Variants in POU2F2 observed in about 807,000 individuals in gnomAD.
POU2F2 encodes POU class 2 homeobox 2, also known as POU domain, class 2, transcription factor 2.
POU2F2 carries 14 observed loss-of-function variants against 63.5 expected under a neutral mutation model. The ratio of observed to expected loss-of-function variants is 0.22; its 90% CI spans 0.15 to 0.34. The LOEUF is 0.34. Ranked by LOEUF, POU2F2 falls within the 10% of genes least tolerant of loss-of-function variation. The pLI is 1.00. For missense variants in POU2F2, 607 were observed against 815.2 expected, an observed-to-expected ratio of 0.74 and a Z score of 3.11; for synonymous variants, 306 against 348.6, an observed-to-expected ratio of 0.88 and a Z score of 1.36.
chr19:42,144,631 A>G (rs2034194470), intron 2 of POU2F2, among the ~76,000 whole-genome samples: 1 of 152,216 alleles, frequency 6.6e-6, no homozygotes, highest in South Asian at 2.1e-4. Flanking sequence ...CCACTATTCT[A>G]CTAAGTAACA....
intron 5 of POU2F2, among the ~76,000 whole-genome samples, chr19:42,101,925 T>C (rs1189804132): frequency 2.7e-5 from 4 of 149,518 alleles, no homozygotes; most frequent in Admixed American, 6.7e-5. Context: ...TGCAGTGAGT[T>C]CAGATTGCGC....
intron 2 of POU2F2, among the ~76,000 whole-genome samples, chr19:42,148,223 C>T (rs906800050): frequency 7.2e-5 from 11 of 152,132 alleles, no homozygotes; most frequent in Middle Eastern, 3.4e-3. Flanking sequence ...TTCTTGTGCT[C>T]ACATCCTGGC....
rs1157132309 is a variant in POU2F2 at position 42,169,507 on chromosome 19, A to G, written c.-70+6456T>C. Among the ~76,000 whole-genome samples, 1 of 152,078 alleles carries G rather than the reference A, an allele frequency of 6.6e-6. No individual in the cohort carries two copies. Among genetic ancestry groups the G allele is most frequent in the Non-Finnish European group, 1.5e-5 (1 of 68,012 alleles). On this transcript the variant is annotated intron_variant, in intron 1 of 6. Transcript: ENST00000524801. The surrounding 1 kb of genome is among the most constrained non-coding windows in gnomAD (Gnocchi z 4.3). ...TCTGTGGACAAATATACAAACGTCT[A>G]TGTGCATCTGCAGGGTTTAGCATCT...
intron 2 of POU2F2, among the ~76,000 whole-genome samples, chr19:42,141,473 CTTTTTTTTTT>C (rs58221767): frequency 3.0e-5 from 3 of 98,976 alleles, no homozygotes; most frequent in African/African-American, 8.5e-5. Context: ...CTTAATTAAT[CTTTTTTTTTT>C]TTTTTTTTTT....
intron 12 of POU2F2, among the ~76,000 whole-genome samples, chr19:42,093,009 A>ATAT (rs1491281554): frequency 4.2e-5 from 2 of 47,196 alleles, no homozygotes; most frequent in African/African-American, 6.8e-5. Context: ...ATATATATAT[A>ATAT]TTTTTTTTTT....
rs918558371 is a variant in POU2F2, at chr19:42,155,751, C to G, written c.-9+4581G>C. The G allele has an allele frequency of 2.0e-5, 3 of 152,246 alleles. No homozygotes were observed. The highest frequency in any genetic ancestry group is 4.4e-5 in the Non-Finnish European group (3 of 68,108). 9.4% of individuals were successfully genotyped at this position (152,246 alleles called of 1,614,324 possible). A position where few individuals can be genotyped will look rare whatever the true frequency, so the allele number is the denominator to read the frequency against. ...CCAGCCTCCAGATCTCAGTGTGGCTCTCTCTGGAGACAAAAGCTAAGACTC... is the reference window on the plus strand; with the variant it reads ...CCAGCCTCCAGATCTCAGTGTGGCTGTCTCTGGAGACAAAAGCTAAGACTC... On this transcript the variant is annotated intron_variant, in intron 2 of 6. Coordinates refer to the POU2F2 transcript ENST00000524801. The surrounding 1 kb of genome is among the most constrained non-coding windows in gnomAD (Gnocchi z 4.2).
chr19:42,145,367 T>C (rs2034209537), intron 2 of POU2F2, among the ~76,000 whole-genome samples: 1 of 152,198 alleles, frequency 6.6e-6, no homozygotes, highest in South Asian at 2.1e-4. Context: ...AGCCTCTCTG[T>C]GCCTCTCTCA....
chr19:42,091,371 G>A lies in POU2F2; in HGVS notation c.1761C>T (p.Gly587=). ...VAASISSKSP[G]LSSSSSSSSS... Reference sequence around the variant, plus strand: ...AGGATGAAGAGGATGAGGAGGAGAGGCCAGGAGACTTGCTGGAGATGGAGG... The same window carrying A: ...AGGATGAAGAGGATGAGGAGGAGAGACCAGGAGACTTGCTGGAGATGGAGG... The change falls in exon 15 of 15, where the codon GGC becomes GGT. Residue 587 remains glycine, a synonymous_variant. Transcript: ENST00000692977. 6.5e-7 allele frequency: 1 copy of A among 1,540,260 alleles called. No individual in the cohort carries two copies. The highest frequency in any genetic ancestry group is 8.7e-7 in the Non-Finnish European group (1 of 1,146,840).
chr19:42,177,922 CACACAGAA>C (rs1169811151), upstream of POU2F2, among the ~76,000 whole-genome samples: 1 of 151,400 alleles, frequency 6.6e-6, no homozygotes, highest in Non-Finnish European at 1.5e-5. Context: ...GACACAGAGA[CACACAGAA>C]ACAAATAGAC....
At chr19:42,107,585 G>A (rs1446738485) in intron 5 of POU2F2, among the ~76,000 whole-genome samples, 1 of 152,142 alleles carries the variant, frequency 6.6e-6, no homozygotes, top group Non-Finnish European at 1.5e-5. Flanking sequence ...TGGTGACAAA[G>A]TCTCAGTACC....
At chr19:42,144,265 T>C (rs898530506) in intron 2 of POU2F2, among the ~76,000 whole-genome samples, 6 of 152,218 alleles carry the variant, frequency 3.9e-5, no homozygotes, top group African/African-American at 1.4e-4. Context: ...TTCACTGCTG[T>C]GTCTCCAGCA....
chr19:42,145,354 C>T (rs1382553222), intron 2 of POU2F2, among the ~76,000 whole-genome samples: 1 of 152,206 alleles, frequency 6.6e-6, no homozygotes, highest in Non-Finnish European at 1.5e-5. Context: ...GAGCAAACCA[C>T]TCAGCCTCTC....
At chr19:42,103,479 T>TA (rs746357451) in intron 5 of POU2F2, among the ~76,000 whole-genome samples, 1 of 152,206 alleles carries the variant, frequency 6.6e-6, no homozygotes, top group Non-Finnish European at 1.5e-5. Context: ...ACATGTTACT[T>TA]ACAATTTTTT....
chr19:42,112,737 C>G (rs1449184854), intron 5 of POU2F2, among the ~76,000 whole-genome samples: 1 of 152,128 alleles, frequency 6.6e-6, no homozygotes, highest in Non-Finnish European at 1.5e-5. Context: ...CCCATTTTAC[C>G]TGCCCTACAA....
At chr19:42,093,257 G>A (rs1021721240) in intron 12 of POU2F2, among the ~76,000 whole-genome samples, 2 of 151,736 alleles carry the variant, frequency 1.3e-5, no homozygotes, top group Admixed American at 6.6e-5. Context: ...TGATCCACAT[G>A]CCTTGGCCTC....
chr19:42,117,315 G>C lies in POU2F2; in HGVS notation c.304C>G (p.Pro102Ala), dbSNP rs2032044097. Residue 102 changes from proline to alanine, a missense_variant, in exon 5 of 15, where the codon CCT becomes GCT. This residue lies in a region of POU2F2 where 224 missense variants were observed against 264.3 expected (regional missense o/e 0.85). Coordinates refer to ENST00000692977, the MANE Select transcript of POU2F2 (RefSeq NM_001394376.1). The surrounding 1 kb of genome is among the most constrained non-coding windows in gnomAD (Gnocchi z 4.4). Reference protein sequence around the residue: ...GDSAPAAPLPPQPAQPHLPQA... With the variant: ...GDSAPAAPLPAQPAQPHLPQA... Reference sequence around the variant, plus strand: ...GGCAGATGAGGCTGGGCCGGCTGAGGGGGCAGGGGTGCTGCTGGGGCTGAA... The same window carrying C: ...GGCAGATGAGGCTGGGCCGGCTGAGCGGGCAGGGGTGCTGCTGGGGCTGAA... 3 of 1,522,092 alleles carry C rather than the reference G, an allele frequency of 2.0e-6. No individual in the cohort carries two copies. Among genetic ancestry groups the C allele is most frequent in the Non-Finnish European group, 1.7e-6 (2 of 1,145,528 alleles). The allele number at this position is 1,522,092 out of a possible 1,614,324, so 94.3% of individuals were successfully genotyped here.
chr19:42,179,656 G>A (rs924556363), upstream of POU2F2, among the ~76,000 whole-genome samples: 5 of 152,060 alleles, frequency 3.3e-5, no homozygotes, highest in Non-Finnish European at 1.5e-5. Flanking sequence ...GTGGACACGC[G>A]GGACCCTCAT....
At position 42,092,054 on chromosome 19, in the gene POU2F2, C is replaced by T. The variant is rs367932052; in HGVS notation, c.1466+15G>A. 30 of 1,590,526 alleles carry T rather than the reference C, an allele frequency of 1.9e-5. No individual in the cohort carries two copies. The highest frequency in any genetic ancestry group is 1.7e-4 in the Middle Eastern group (1 of 6,032). On this transcript the variant is annotated intron_variant, in intron 13 of 14. Transcript: ENST00000692977. The surrounding 1 kb of genome is among the most constrained non-coding windows in gnomAD (Gnocchi z 5.0). ...CCCTGCTTCTCCCCACAGCTTCCCA[C>T]GTGCACCCACTTACCCCGTGCTGGG...
rs2076921381 is a variant in POU2F2 at position 42,096,327 on chromosome 19, C to T, written c.568-84G>A. 2 of 1,347,262 alleles carry T rather than the reference C, an allele frequency of 1.5e-6. No individual in the cohort carries two copies. Among genetic ancestry groups the T allele is most frequent in the South Asian group, 1.5e-5 (1 of 67,402 alleles). 83.5% of individuals were successfully genotyped at this position (1,347,262 alleles called of 1,614,324 possible). ...ATGGGTGCACAGTCCCCCTCCCGCC[C>T]TCTTCGCCCCTGCGTTCCATCCGCC... On this transcript the variant is annotated intron_variant, in intron 7 of 14. Coordinates refer to ENST00000692977, the MANE Select transcript of POU2F2 (RefSeq NM_001394376.1). The surrounding 1 kb of genome is among the most constrained non-coding windows in gnomAD (Gnocchi z 4.1).
Sources: gnomAD v4.1 joint callset for allele counts (sites outside exome capture counted in the v4.1 genomes callset) on GRCh38, gnomAD v4.1.1 for gene constraint, gnomAD v4.1.1 regional missense constraint, Gnocchi (gnomAD v3.1) non-coding constraint, MANE v1.5 for transcripts, NCBI Gene and HGNC (gene_info 2026-07-23, HGNC 2026-07-21) for gene names.